The following KIF14 variants were observed in gnomAD, a reference collection of about 807,000 sequenced individuals.
KIF14 encodes kinesin-like protein KIF14.
In KIF14, 98 loss-of-function variants were observed where a neutral mutation model predicts 176.2. The ratio of observed to expected loss-of-function variants is 0.56; its 90% CI spans 0.47 to 0.66. The LOEUF (loss-of-function observed/expected upper bound fraction) is 0.66. Ranked by LOEUF, KIF14 falls within the 30% of genes least tolerant of loss-of-function variation. The probability of loss-of-function intolerance (pLI) is 0.00; values close to 1 mark genes in which losing one functional copy is unlikely to be tolerated. For missense variants in KIF14, 1,751 were observed against 1,920.4 expected, an observed-to-expected ratio of 0.91 and a Z score of 1.65; for synonymous variants, 566 against 632.2, an observed-to-expected ratio of 0.90 and a Z score of 1.57.
At chr1:200,578,391 T>C (rs1203756160) in intron 21 of KIF14, among the ~76,000 whole-genome samples, 1 of 152,162 alleles carries the variant, frequency 6.6e-6, no homozygotes, top group East Asian at 1.9e-4. Context: ...TAGTATATAG[T>C]TCCATATGGA....
chr1:200,602,096 G>C, intron 10 of KIF14, 28 bp from the exon 11 acceptor site: 1 of 1,594,406 alleles, frequency 6.3e-7, no homozygotes, highest in African/African-American at 1.3e-5. Flanking sequence ...ATAAGACTTT[G>C]CTTCTACAAC....
chr1:200,619,335 GTTTAT>G (rs1433047395), intron 1 of KIF14, among the ~76,000 whole-genome samples: 3 of 151,610 alleles, frequency 2.0e-5, no homozygotes, highest in African/African-American at 4.9e-5. Flanking sequence ...CCATAAGAAG[GTTTAT>G]TTTATTTTAT....
At chr1:200,590,079 G>C (rs752939433) in intron 17 of KIF14, 46 bp downstream of exon 17, 2 of 1,562,454 alleles carry the variant, frequency 1.3e-6, no homozygotes, top group Non-Finnish European at 1.7e-6. Flanking sequence ...ACATCACTTG[G>C]GGTACACTGT....
Position 200,590,182 on chromosome 1 carries a change from C to T in KIF14, c.2904G>A (p.Glu968=). 1 of 1,613,658 alleles carries T rather than the reference C, an allele frequency of 6.2e-7. No homozygotes were observed. Residue 968 remains glutamate (E), a synonymous_variant, in exon 17 of 30, where the codon GAG becomes GAA. Coordinates refer to ENST00000367350, the MANE Select transcript of KIF14 (RefSeq NM_014875.3). ...IQIAKEMAQQ[E]LSSQKAAYES... ...CATATGCAGCTTTTTGAGAAGAAAG[C>T]TCTTGCTGAGCCATTTCTTTTGCAA...
intron 4 of KIF14, among the ~76,000 whole-genome samples, chr1:200,612,282 C>T (rs1358096902): frequency 6.6e-6 from 1 of 152,148 alleles, no homozygotes; most frequent in African/African-American, 2.4e-5. Flanking sequence ...GGATTACAGG[C>T]GTGAGCCACC....
Position 200,615,537 on chromosome 1 carries a change from C to T in KIF14, c.1185G>A (p.Thr395=), listed in dbSNP as rs749140614. The change falls in exon 3 of 30, where the codon ACG becomes ACA. Residue 395 remains threonine (T), a synonymous_variant. Transcript: ENST00000367350. ...CATAAATAAAATTATAAACTTGTTT[C>T]GTGTCAGGGTGTTCCACAGTTATTT... ...GKEITVEHPD[T]KQVYNFIYDV... The T allele has an allele frequency of 1.2e-5, 20 of 1,613,740 alleles. No homozygotes were observed. The East Asian group carries it at 1.3e-4, about 11-fold the overall frequency.
intron 22 of KIF14, 45 bp downstream of exon 22, chr1:200,575,538 CACACACAT>C: frequency 2.2e-6 from 2 of 918,982 alleles, no homozygotes; most frequent in Non-Finnish European, 3.4e-6. Flanking sequence ...CACACACACA[CACACACAT>C]GCACACACAA....
In KIF14 at chr1:200,618,598, C is replaced by T. The variant is rs754855524; in HGVS notation, c.126G>A (p.Ser42=). 9.0e-5 allele frequency: 145 copies of T among 1,613,944 alleles called. No individual in the cohort carries two copies. The highest frequency in any genetic ancestry group is 1.5e-4 in the Admixed American group (9 of 60,006). Residue 42 remains serine (S), a synonymous_variant, in exon 2 of 30, where the codon TCG becomes TCA. Transcript: ENST00000367350. ...HSSRLKLHLK[S]DMSECENDDP... ...CATCATTTTCACATTCTGACATATC[C>T]GACTTCAAATGCAGCTTAAGTCGGC...
At chr1:200,569,820 A>G in intron 23 of KIF14, 91 bp downstream of exon 23, 1 of 651,594 alleles carries the variant, frequency 1.5e-6, no homozygotes, top group Middle Eastern at 2.6e-4. Flanking sequence ...CAGGAAATGA[A>G]ATGATTTGCA....
In KIF14 at chr1:200,619,160, A is replaced by G. The variant is rs1660562033; in HGVS notation, c.-115-322T>C. Among the ~76,000 whole-genome samples the G allele has an allele frequency of 3.3e-5, 5 of 152,230 alleles. 1 individual carries two copies. In the South Asian group the frequency reaches 1.0e-3, roughly 31 times the overall value. ...AGCCATATATCAGGCCAAATGTGTC[A>G]AGTGACTTAGAAGATGTAAAAAGTG... On this transcript the variant is annotated intron_variant, in intron 1 of 29. Coordinates refer to ENST00000367350, the MANE Select transcript of KIF14 (RefSeq NM_014875.3).
rs1291515624 is a variant in KIF14, at chr1:200,603,302, T to C, written c.1903A>G (p.Lys635Glu). 1 of 1,609,572 alleles carries C rather than the reference T, an allele frequency of 6.2e-7. No individual in the cohort carries two copies. Among genetic ancestry groups the C allele is most frequent in the Admixed American group, 1.7e-5 (1 of 59,980 alleles). The change falls in exon 10 of 30, where the codon AAA becomes GAA. Residue 635 changes from lysine to glutamate, a missense_variant. Coordinates refer to ENST00000367350, the MANE Select transcript of KIF14 (RefSeq NM_014875.3). ...TGTTCCGAAAGTGCAGATATAACTT[T>C]TCCCAAAGTTAGCAAGGACTTATTA... The part of the protein sequence containing the change: ...SINKSLLTLG[K>E]VISALSEQAN...
chr1:200,607,321 T>C (rs1340548818), intron 5 of KIF14, among the ~76,000 whole-genome samples: 1 of 151,962 alleles, frequency 6.6e-6, no homozygotes, highest in African/African-American at 2.4e-5. Flanking sequence ...GTATTTTCAG[T>C]AGAGAAGGAG....
chr1:200,605,202 G>C lies in KIF14; in HGVS notation c.1746+81C>G, dbSNP rs1659813344. 1.7e-5 allele frequency: 23 copies of C among 1,347,922 alleles called. No homozygotes were observed. The Admixed American group carries it at 4.2e-4, about 25-fold the overall frequency. 83.5% of individuals were successfully genotyped at this position (1,347,922 alleles called of 1,614,324 possible). ...CAGGGTGAAAACTGAATGAGATCGG[G>C]AACTTTTTAAAAAAATACCTTGGTC... On this transcript the variant is annotated intron_variant, in intron 8 of 29. Coordinates refer to ENST00000367350, the MANE Select transcript of KIF14 (RefSeq NM_014875.3).
intron 9 of KIF14, 62 bp from the exon 10 acceptor site, chr1:200,603,403 C>T: frequency 1.3e-6 from 1 of 788,906 alleles, no homozygotes; most frequent in Non-Finnish European, 2.2e-6. Flanking sequence ...ATTTATTTCA[C>T]AAAATATATT....
chr1:200,560,748 C>T lies in KIF14; in HGVS notation c.4204G>A (p.Gly1402Ser), dbSNP rs377335626. 1.2e-5 allele frequency: 19 copies of T among 1,614,164 alleles called. No individual in the cohort carries two copies. Among genetic ancestry groups the T allele is most frequent in the South Asian group, 4.4e-5 (4 of 91,082 alleles). Residue 1402 changes from glycine to serine, a missense_variant, in exon 26 of 30, where the codon GGT becomes AGT. Gly to Ser is a moderately conservative substitution (Grantham distance 56). Transcript: ENST00000367350. ...TGGACACTGGCAGCTTTATTGTTAC[C>T]GTTTTCTAGAAAATGTAGCTTGCTC... Reference protein sequence around the residue: ...KGSKLHFLENGNNKAASVQEE... With the variant: ...KGSKLHFLENSNNKAASVQEE...
chr1:200,574,638 A>G (rs759647244), intron 22 of KIF14, among the ~76,000 whole-genome samples: 67 of 152,214 alleles, frequency 4.4e-4, no homozygotes, highest in Admixed American at 1.6e-3. Flanking sequence ...TACTTGCTTA[A>G]AAACCAAACC....
At chr1:200,585,386 G>GA (rs1410273732) in intron 19 of KIF14, among the ~76,000 whole-genome samples, 1 of 151,164 alleles carries the variant, frequency 6.6e-6, no homozygotes, top group African/African-American at 2.4e-5. Flanking sequence ...AGTAAAGCTA[G>GA]AAAAAAAATC....
rs1276885881 is a variant in KIF14, at chr1:200,603,208, A to G, written c.1979+18T>C. 7.2e-7 allele frequency: 1 copy of G among 1,382,266 alleles called. No homozygotes were observed. Among genetic ancestry groups the G allele is most frequent in the East Asian group, 2.3e-5 (1 of 43,584 alleles). The allele number at this position is 1,382,266 out of a possible 1,614,324, so 85.6% of individuals were successfully genotyped here. ...CACTATATTTTATACAATTCTTTAT[A>G]CTTCAAAAGATACTTGCCATGTAAG... On this transcript the variant is annotated intron_variant, in intron 10 of 29. Transcript: ENST00000367350.
intron 4 of KIF14, among the ~76,000 whole-genome samples, chr1:200,609,591 G>T (rs1248089892): frequency 6.6e-6 from 1 of 152,256 alleles, no homozygotes; most frequent in African/African-American, 2.4e-5. Context: ...GGAGGTTGCA[G>T]TGAGCTGAGA....
Sources: allele counts gnomAD v4.1 joint callset (sites outside exome capture counted in the v4.1 genomes callset), GRCh38; gene constraint gnomAD v4.1.1; transcripts MANE v1.5; gene names NCBI Gene and HGNC (gene_info 2026-07-23, HGNC 2026-07-21).